The following TCERG1 variants were observed in gnomAD, a reference collection of about 807,000 sequenced individuals.
TCERG1 encodes the protein TATA box binding protein (TBP)-associated factor, RNA polymerase II, S, 150kD.
Under a neutral mutation model 144.7 loss-of-function variants are expected in TCERG1, and 37 were observed. That is an observed-to-expected ratio of 0.26 (90% CI 0.20 to 0.34). The LOEUF is 0.34. Among genes scored for constraint, TCERG1 ranks in the 10% least tolerant of loss-of-function variants. The pLI is 1.00. For synonymous variants in TCERG1, 492 were observed against 458.2 expected, an observed-to-expected ratio of 1.07 and a Z score of -0.94; for missense variants, 1,027 against 1,380.7, an observed-to-expected ratio of 0.74 and a Z score of 4.06.
intron 4 of TCERG1, among the ~76,000 whole-genome samples, chr5:146,463,281 A>G (rs1437765656): frequency 6.6e-6 from 1 of 152,076 alleles, no homozygotes; most frequent in Non-Finnish European, 1.5e-5. Flanking sequence ...GCATCCCAAT[A>G]TAAACTTTTC....
At position 146,483,636 on chromosome 5, in the gene TCERG1, G is replaced by A. The variant is rs1405480610; in HGVS notation, c.2163+7G>A. 16 of 1,603,054 alleles carry A rather than the reference G, an allele frequency of 1.0e-5. No homozygotes were observed. The South Asian group carries it at 1.6e-4, about 16-fold the overall frequency. On this transcript the variant is annotated splice_region_variant and intron_variant, in intron 15 of 22. Coordinates refer to ENST00000679501, the MANE Select transcript of TCERG1 (RefSeq NM_001382548.1). ...TCCTAAAGAGAGAAAACAGGTAAAA[G>A]GAAAATGGCATTAACTAAGAATGTA...
intron 15 of TCERG1, among the ~76,000 whole-genome samples, chr5:146,490,371 A>G (rs989111981): frequency 6.6e-6 from 1 of 152,194 alleles, no homozygotes; most frequent in Non-Finnish European, 1.5e-5. Flanking sequence ...TGTTCCCTAC[A>G]TAGTAAGTCT....
chr5:146,470,414 C>T (rs371419735), intron 7 of TCERG1, among the ~76,000 whole-genome samples: 5 of 152,216 alleles, frequency 3.3e-5, no homozygotes, highest in African/African-American at 7.2e-5. Flanking sequence ...AATGTGCCTT[C>T]GAAGTCAGTA....
chr5:146,470,573 C>A, intron 7 of TCERG1, 63 bp from the exon 8 acceptor site: 1 of 1,378,788 alleles, frequency 7.3e-7, no homozygotes, highest in East Asian at 2.3e-5. Context: ...GGCTTATTCT[C>A]TGAAAGTTCT....
chr5:146,472,449 C>T (rs1051769505), intron 9 of TCERG1, among the ~76,000 whole-genome samples: 10 of 151,920 alleles, frequency 6.6e-5, no homozygotes, highest in Admixed American at 1.3e-4. Context: ...CAGTGATCTG[C>T]GATCAGTGAT....
chr5:146,459,802 G>A (rs75020892), intron 4 of TCERG1, among the ~76,000 whole-genome samples: 4 of 152,310 alleles, frequency 2.6e-5, no homozygotes, highest in East Asian at 1.9e-4. Flanking sequence ...TGAAGGAAAC[G>A]GAGTAGGGTT....
In TCERG1 at chr5:146,455,177, C is replaced by A; in HGVS notation, c.181C>A (p.Pro61Thr). 6.2e-7 allele frequency: 1 copy of A among 1,614,236 alleles called. No homozygotes were observed. The highest frequency in any genetic ancestry group is 8.5e-7 in the Non-Finnish European group (1 of 1,180,046). Residue 61 changes from proline to threonine, a missense_variant, in exon 2 of 23, where the codon CCA becomes ACA. By Grantham distance (38) the Pro-to-Thr change is conservative (BLOSUM62 -1). Transcript: ENST00000679501. Reference sequence around the variant, plus strand: ...TTTTGGTATGATGCGAGGCCCTCCTCCACCACCACGGCCGCCCTTTGGACG... The same window carrying A: ...TTTTGGTATGATGCGAGGCCCTCCTACACCACCACGGCCGCCCTTTGGACG... The part of the protein sequence containing the change: ...PPFGMMRGPP[P>T]PPRPPFGRPP...
At chr5:146,459,433 T>C in intron 4 of TCERG1, 96 bp downstream of exon 4, 2 of 1,504,976 alleles carry the variant, frequency 1.3e-6, no homozygotes, top group African/African-American at 2.8e-5. Flanking sequence ...TCTGGTATTA[T>C]CCTTTAATAC....
chr5:146,479,092 T>C (rs574328100), intron 10 of TCERG1, among the ~76,000 whole-genome samples: 3 of 152,188 alleles, frequency 2.0e-5, no homozygotes, highest in East Asian at 1.9e-4. Flanking sequence ...TTCCTGAGAC[T>C]AGACACCTAA....
chr5:146,483,649 A>C lies in TCERG1; in HGVS notation c.2163+20A>C, dbSNP rs181605519. On this transcript the variant is annotated intron_variant, in intron 15 of 22. Transcript: ENST00000679501. Reference sequence around the variant, plus strand: ...AAACAGGTAAAAGGAAAATGGCATTAACTAAGAATGTATATCTCTTGCCAA... The same window carrying C: ...AAACAGGTAAAAGGAAAATGGCATTCACTAAGAATGTATATCTCTTGCCAA... The C allele has an allele frequency of 4.6e-6, 7 of 1,525,350 alleles. No homozygotes were observed. In the African/African-American group the frequency reaches 9.8e-5, roughly 21 times the overall value. The allele number at this position is 1,525,350 out of a possible 1,614,324, so 94.5% of individuals were successfully genotyped here. A position where few individuals can be genotyped will look rare whatever the true frequency, so the allele number is the denominator to read the frequency against.
At chr5:146,472,515 AT>A (rs1219183961) in intron 9 of TCERG1, among the ~76,000 whole-genome samples, 10 of 152,180 alleles carry the variant, frequency 6.6e-5, no homozygotes, top group African/African-American at 9.7e-5. Context: ...CCCATGTAAG[AT>A]GGTGAACCTA....
At position 146,507,613 on chromosome 5, in the gene TCERG1, G is replaced by A. The variant is rs1004994261; in HGVS notation, c.2962-260G>A. 4 of 355,924 alleles carry A rather than the reference G, an allele frequency of 1.1e-5. No individual in the cohort carries two copies. The highest frequency in any genetic ancestry group is 2.0e-5 in the Non-Finnish European group (4 of 200,068). The allele number at this position is 355,924 out of a possible 1,614,324, so 22.0% of individuals were successfully genotyped here. On this transcript the variant is annotated intron_variant, in intron 20 of 22. Transcript: ENST00000679501. This position sits in a 1 kb window ranked among gnomAD's most constrained non-coding sequence, Gnocchi z 4.6. ...TGATGGTTTCTTCAGAAGTTATGAT[G>A]TTTGCCCATGTAAATACAGGGTTTG...
chr5:146,495,729 A>G (rs1766833414), intron 16 of TCERG1, among the ~76,000 whole-genome samples: 1 of 151,586 alleles, frequency 6.6e-6, no homozygotes, highest in Non-Finnish European at 1.5e-5. Context: ...AATTAAAACT[A>G]TAACATAATC....
chr5:146,479,029 T>A lies in TCERG1; in HGVS notation c.1762+376T>A, dbSNP rs189716114. ...TTTCTTGAAATAATACATTACAAAT[T>A]TTTTAAAAATACAAAATCTCAATCT... is the stretch of plus-strand genomic sequence containing the variant. On this transcript the variant is annotated intron_variant, in intron 10 of 22. Transcript: ENST00000679501. Among the ~76,000 whole-genome samples, 3 of 152,274 alleles carry A rather than the reference T, an allele frequency of 2.0e-5. No individual in the cohort carries two copies. The East Asian group carries it at 5.8e-4, about 29-fold the overall frequency.
At position 146,507,021 on chromosome 5, in the gene TCERG1, T is replaced by C; in HGVS notation, c.2782-7T>C. The C allele has an allele frequency of 6.4e-7, 1 of 1,555,508 alleles. No homozygotes were observed. Among genetic ancestry groups the C allele is most frequent in the South Asian group, 1.2e-5 (1 of 80,234 alleles). On this transcript the variant is annotated splice_region_variant and splice_polypyrimidine_tract_variant and intron_variant, in intron 19 of 22. Coordinates refer to ENST00000679501, the MANE Select transcript of TCERG1 (RefSeq NM_001382548.1). This position sits in a 1 kb window ranked among gnomAD's most constrained non-coding sequence, Gnocchi z 4.6. ...TTGGTGATATATATATAATTTTTTC[T>C]CTTCAGGTACGTTCTTCAGATGTGT...
intron 15 of TCERG1, among the ~76,000 whole-genome samples, chr5:146,485,107 G>C (rs893734703): frequency 3.9e-5 from 6 of 152,124 alleles, no homozygotes; most frequent in Admixed American, 3.3e-4. Flanking sequence ...TATACCTCTT[G>C]ATGGTCTTTT....
At chr5:146,501,748 A>G in intron 17 of TCERG1, among the ~76,000 whole-genome samples, 1 of 152,156 alleles carries the variant, frequency 6.6e-6, no homozygotes, top group Non-Finnish European at 1.5e-5. Context: ...AGTATTTCTT[A>G]TTAGTTCAAA....
At chr5:146,470,896 G>GTT (rs11463725) in intron 8 of TCERG1, 148 bp downstream of exon 8, 1 of 543,586 alleles carries the variant, frequency 1.8e-6, no homozygotes, top group Admixed American at 3.8e-5. Context: ...TCTTAATTCA[G>GTT]TTTTTTCTTT....
chr5:146,458,308 C>G (rs1010972764), intron 3 of TCERG1, among the ~76,000 whole-genome samples: 5 of 151,784 alleles, frequency 3.3e-5, no homozygotes, highest in African/African-American at 1.2e-4. Context: ...TCCCAAGTAG[C>G]TGGGATTACA....
Sources: allele counts gnomAD v4.1 joint callset (sites outside exome capture counted in the v4.1 genomes callset), GRCh38; gene constraint gnomAD v4.1.1; non-coding constraint Gnocchi (gnomAD v3.1); transcripts MANE v1.5; gene names NCBI Gene and HGNC (gene_info 2026-07-23, HGNC 2026-07-21).